Variants in ZNF385D observed in about 807,000 individuals in gnomAD.
ZNF385D encodes zinc finger protein 659.
A neutral mutation model predicts 35.8 loss-of-function variants in ZNF385D; 15 were observed. That is an observed-to-expected ratio of 0.42 (90% CI 0.28 to 0.64). ZNF385D has a LOEUF of 0.64. Among genes scored for constraint, ZNF385D ranks in the 30% least tolerant of loss-of-function variants. The probability of loss-of-function intolerance (pLI) is 0.23; values close to 1 mark genes in which losing one functional copy is unlikely to be tolerated. For synonymous variants in ZNF385D, 212 were observed against 186.8 expected (o/e 1.13, Z -1.10); for missense variants, 474 against 494.6 (o/e 0.96, Z 0.39).
Position 22,073,222 on chromosome 3 carries a change from C to A in ZNF385D, c.325+95595G>T, listed in dbSNP as rs541195159. 5.3e-5 allele frequency among the ~76,000 whole-genome samples: 8 copies of A among 151,796 alleles called. No individual in the cohort carries two copies. In the South Asian group the frequency reaches 8.3e-4, roughly 16 times the overall value. Reference sequence around the variant, plus strand: ...TAAGTCCCAAATAATTAATTAAAATCATCATTTGCAGACAAATCTAATAAG... The same window carrying A: ...TAAGTCCCAAATAATTAATTAAAATAATCATTTGCAGACAAATCTAATAAG... On this transcript the variant is annotated intron_variant, in intron 3 of 5. Transcript: ENST00000494108.
intron 3 of ZNF385D, among the ~76,000 whole-genome samples, chr3:21,804,941 C>T (rs1392256245): frequency 2.6e-5 from 4 of 152,156 alleles, no homozygotes; most frequent in Admixed American, 2.0e-4. Flanking sequence ...TTTCTTATGA[C>T]TAGAAAAGCA....
chr3:21,589,721 T>C (rs60713735), intron 2 of ZNF385D, among the ~76,000 whole-genome samples: 5,737 of 151,956 alleles, frequency 0.038, 349 homozygotes, highest in African/African-American at 0.13. Flanking sequence ...AAAGAAAACA[T>C]ACCAATAAAC....
chr3:21,599,303 G>C (rs1559446981), intron 2 of ZNF385D, among the ~76,000 whole-genome samples: 1 of 152,152 alleles, frequency 6.6e-6, no homozygotes, highest in African/African-American at 2.4e-5. Flanking sequence ...TGTTTGTTTG[G>C]CAAATACCAA....
intron 3 of ZNF385D, among the ~76,000 whole-genome samples, chr3:22,027,188 A>G (rs1697612759): frequency 6.6e-6 from 1 of 152,164 alleles, no homozygotes; most frequent in South Asian, 2.1e-4. Context: ...GGCCCCTCCT[A>G]CAACCAAGAA....
At chr3:21,622,946 G>C (rs140240405) in intron 2 of ZNF385D, among the ~76,000 whole-genome samples, 3 of 151,058 alleles carry the variant, frequency 2.0e-5, no homozygotes, top group African/African-American at 7.3e-5. Context: ...ATGCTTATTA[G>C]CCTTTCTTTC....
intron 3 of ZNF385D, chr3:22,134,229 AAT>A (rs1703969320): frequency 6.6e-6 from 1 of 152,134 alleles, no homozygotes; most frequent in Non-Finnish European, 1.5e-5. Flanking sequence ...AGGACAGGAA[AAT>A]AAACACTAGT....
intron 3 of ZNF385D, among the ~76,000 whole-genome samples, chr3:21,966,879 TG>T (rs1702944907): frequency 6.6e-6 from 1 of 152,244 alleles, no homozygotes; most frequent in South Asian, 2.1e-4. Flanking sequence ...GCTGCGATTA[TG>T]GGCTTGAGCC....
intron 2 of ZNF385D, among the ~76,000 whole-genome samples, chr3:22,233,980 C>T (rs998825311): frequency 1.3e-5 from 2 of 152,052 alleles, no homozygotes; most frequent in African/African-American, 4.8e-5. Flanking sequence ...ACCCAGAGTT[C>T]TACCTCAAAG....
chr3:21,424,363 G>A (rs1294403750), intron 6 of ZNF385D, among the ~76,000 whole-genome samples: 1 of 73,510 alleles, frequency 1.4e-5, no homozygotes, highest in African/African-American at 4.3e-5. Flanking sequence ...TACCCAGGTT[G>A]AAGTGCAGTG....
At position 21,414,294 on chromosome 3, in the gene ZNF385D, A is replaced by G. The variant is rs1700532519; in HGVS notation, c.*6920T>C. 2 of 152,102 alleles carry G rather than the reference A, an allele frequency of 1.3e-5. No individual in the cohort carries two copies. Among genetic ancestry groups the G allele is most frequent in the Admixed American group, 6.6e-5 (1 of 15,266 alleles). The allele number at this position is 152,102 out of a possible 1,614,324, so 9.4% of individuals were successfully genotyped here. ...GCTGATAAAATAAATGAAAGAAACT[A>G]TGACTAAAAATATTCCCCGAAGAAA... On this transcript the variant is annotated 3_prime_UTR_variant, in exon 8 of 8. Coordinates refer to ENST00000281523, the MANE Select transcript of ZNF385D (RefSeq NM_024697.3).
intron 3 of ZNF385D, among the ~76,000 whole-genome samples, chr3:22,130,052 G>C (rs1275254714): frequency 3.9e-5 from 6 of 152,052 alleles, no homozygotes; most frequent in African/African-American, 1.4e-4. Flanking sequence ...GCCAGAACTG[G>C]GTCCTTCTCT....
At chr3:21,687,423 G>A (rs1399338755) in intron 1 of ZNF385D, among the ~76,000 whole-genome samples, 1 of 152,014 alleles carries the variant, frequency 6.6e-6, no homozygotes, top group Non-Finnish European at 1.5e-5. Context: ...CCACTTTTTG[G>A]AGCAGTTTTA....
At chr3:22,024,704 C>G (rs555361429) in intron 3 of ZNF385D, among the ~76,000 whole-genome samples, 1 of 152,016 alleles carries the variant, frequency 6.6e-6, no homozygotes, top group Admixed American at 6.6e-5. Flanking sequence ...CCTGATTCAC[C>G]GCTTGTGAGA....
intron 2 of ZNF385D, among the ~76,000 whole-genome samples, chr3:22,254,987 G>A (rs556372773): frequency 6.6e-6 from 1 of 151,874 alleles, no homozygotes; most frequent in South Asian, 2.1e-4. Flanking sequence ...GATGAAGCAG[G>A]ATGGCACACG....
chr3:21,809,152 T>G (rs1002795021), intron 3 of ZNF385D, among the ~76,000 whole-genome samples: 1 of 152,102 alleles, frequency 6.6e-6, no homozygotes, highest in Non-Finnish European at 1.5e-5. Flanking sequence ...GACATAGATG[T>G]TGAAATTAGC....
intron 2 of ZNF385D, among the ~76,000 whole-genome samples, chr3:22,351,019 CT>C (rs1246648263): frequency 1.3e-5 from 2 of 152,094 alleles, no homozygotes; most frequent in African/African-American, 4.8e-5. Flanking sequence ...CCCGCTTCCC[CT>C]GGCACATACT....
At chr3:21,934,006 T>TA (rs11388191) in intron 3 of ZNF385D, among the ~76,000 whole-genome samples, 93,575 of 150,002 alleles carry the variant, frequency 0.62, 29,217 homozygotes, top group African/African-American at 0.7. Flanking sequence ...CACTGGTAAT[T>TA]AAAAAAAAAA....
At chr3:21,458,839 A>T (rs1049300678) in intron 4 of ZNF385D, among the ~76,000 whole-genome samples, 18 of 151,584 alleles carry the variant, frequency 1.2e-4, no homozygotes, top group African/African-American at 4.4e-4. Context: ...GATGATGAGT[A>T]TGTGGTTTCT....
At chr3:21,543,206 G>A (rs114393590) in intron 3 of ZNF385D, among the ~76,000 whole-genome samples, 3,411 of 152,258 alleles carry the variant, frequency 0.022, 79 homozygotes, top group East Asian at 0.087. Flanking sequence ...AGCTACACAG[G>A]GGGCTGAGGC....
Sources: gnomAD v4.1 joint callset for allele counts (sites outside exome capture counted in the v4.1 genomes callset) on GRCh38, gnomAD v4.1.1 for gene constraint, MANE v1.5 for transcripts, NCBI Gene and HGNC (gene_info 2026-07-23, HGNC 2026-07-21) for gene names.